MMP26: variants seen among roughly 807,000 people sequenced by gnomAD.
MMP26 encodes the protein matrix metallopeptidase 26, also known as matrix metalloproteinase-26.
In MMP26, 33 loss-of-function variants were observed where a neutral mutation model predicts 31.0. The observed-to-expected ratio is 1.06, with a 90% CI of 0.81 to 1.42. The LOEUF is 1.42. MMP26 is among the 40% of genes most tolerant of loss of function. The pLI, the probability that MMP26 is intolerant of heterozygous loss-of-function variation, is 0.00. For missense variants in MMP26, 347 were observed against 316.1 expected, an observed-to-expected ratio of 1.10 and a Z score of -0.74; for synonymous variants, 122 against 114.9, an observed-to-expected ratio of 1.06 and a Z score of -0.40.
chr11:4,731,410 T>G (rs1008831894), intron 1 of MMP26, among the ~76,000 whole-genome samples: 1 of 152,188 alleles, frequency 6.6e-6, no homozygotes, highest in African/African-American at 2.4e-5. Context: ...ATTAAATGTA[T>G]AGCTCATTTG....
intron 2 of MMP26, among the ~76,000 whole-genome samples, chr11:4,821,026 T>A (rs746579746): frequency 6.6e-6 from 1 of 152,192 alleles, no homozygotes; most frequent in Non-Finnish European, 1.5e-5. Context: ...GTTTGCTCAG[T>A]GTTTTATTCC....
chr11:4,812,940 TTTC>T (rs1245255350), intron 2 of MMP26, among the ~76,000 whole-genome samples: 3 of 152,054 alleles, frequency 2.0e-5, no homozygotes, highest in African/African-American at 7.2e-5. Flanking sequence ...ATCCTGAGAT[TTTC>T]TTTTTTTTTT....
chr11:4,926,917 T>A (rs1215619498), intron 2 of MMP26, among the ~76,000 whole-genome samples: 2 of 152,164 alleles, frequency 1.3e-5, no homozygotes, highest in Non-Finnish European at 2.9e-5. Flanking sequence ...TAAAAAGAGA[T>A]GAAATGCAAT....
At chr11:4,941,096 G>A (rs540045852) in intron 2 of MMP26, among the ~76,000 whole-genome samples, 1 of 152,238 alleles carries the variant, frequency 6.6e-6, no homozygotes, top group African/African-American at 2.4e-5. Flanking sequence ...CCATTTGCTA[G>A]CTAAGCATAG....
intron 2 of MMP26, among the ~76,000 whole-genome samples, chr11:4,925,141 T>G (rs72858179): frequency 1.3e-5 from 2 of 152,106 alleles, no homozygotes; most frequent in Non-Finnish European, 2.9e-5. Flanking sequence ...GTTCTATTCT[T>G]AGGAGCATAG....
chr11:4,929,812 C>G (rs964390421), intron 2 of MMP26, among the ~76,000 whole-genome samples: 2 of 152,016 alleles, frequency 1.3e-5, no homozygotes, highest in Admixed American at 1.3e-4. Flanking sequence ...TTTTCTCTGT[C>G]AAGTTTTATT....
chr11:4,871,613 C>A (rs1850311717), intron 2 of MMP26: 1 of 152,098 alleles, frequency 6.6e-6, no homozygotes, highest in South Asian at 2.1e-4. Flanking sequence ...TCCAGGAAGT[C>A]ACATGCTCAA....
intron 2 of MMP26, among the ~76,000 whole-genome samples, chr11:4,768,064 G>A (rs1848654472): frequency 7.0e-6 from 1 of 143,444 alleles, no homozygotes; most frequent in South Asian, 2.1e-4. Flanking sequence ...GGTCTTTAAT[G>A]GCATTTGTGA....
At chr11:4,849,398 A>G (rs1400789235) in intron 2 of MMP26, among the ~76,000 whole-genome samples, 3 of 152,190 alleles carry the variant, frequency 2.0e-5, no homozygotes, top group Admixed American at 6.5e-5. Context: ...TAGTATATGC[A>G]GCATTCATTC....
chr11:4,711,340 A>C (rs1205836423), intron 1 of MMP26: 2 of 152,224 alleles, frequency 1.3e-5, no homozygotes, highest in Non-Finnish European at 2.9e-5. Flanking sequence ...GTGTAAATGC[A>C]CATTAAAAAG....
intron 2 of MMP26, chr11:4,882,872 A>T: frequency 6.2e-7 from 1 of 1,611,984 alleles, no homozygotes; most frequent in Non-Finnish European, 8.5e-7. Context: ...TCTTAGGGGA[A>T]GATGGGATTG....
chr11:4,767,768 T>C (rs1848651194), intron 2 of MMP26, among the ~76,000 whole-genome samples: 1 of 152,152 alleles, frequency 6.6e-6, no homozygotes, highest in Non-Finnish European at 1.5e-5. Flanking sequence ...CTGCCCTCAG[T>C]ATTTGTGGGG....
At chr11:4,822,133 A>G (rs1849516343) in intron 2 of MMP26, 1 of 1,612,308 alleles carries the variant, frequency 6.2e-7, no homozygotes, top group African/African-American at 1.4e-5. Flanking sequence ...AGAGAGGCGG[A>G]AAGCCTTCAA....
At chr11:4,756,736 A>G (rs774266869) in intron 1 of MMP26, 1 of 152,070 alleles carries the variant, frequency 6.6e-6, no homozygotes, top group African/African-American at 2.4e-5. Flanking sequence ...CAAATTTTTC[A>G]GTAACATGAC....
chr11:4,832,965 G>C (rs1463084629), intron 2 of MMP26: 1 of 158,534 alleles, frequency 6.3e-6, no homozygotes, highest in Non-Finnish European at 1.4e-5. Flanking sequence ...TCTGATAGCA[G>C]ATGCATTCTT....
chr11:4,826,915 C>T (rs188334010), intron 2 of MMP26, among the ~76,000 whole-genome samples: 23 of 152,188 alleles, frequency 1.5e-4, no homozygotes, highest in African/African-American at 4.6e-4. Context: ...ACAGTTAATC[C>T]ATTGGATCCT....
chr11:4,893,515 A>G (rs1219183985), intron 2 of MMP26, among the ~76,000 whole-genome samples: 2 of 152,114 alleles, frequency 1.3e-5, no homozygotes, highest in East Asian at 3.9e-4. Context: ...TTCAAAAGTC[A>G]TGTCCTCAGA....
At chr11:4,716,621 G>C (rs1419803418) in intron 1 of MMP26, among the ~76,000 whole-genome samples, 2 of 131,184 alleles carry the variant, frequency 1.5e-5, no homozygotes, top group Non-Finnish European at 3.2e-5. Context: ...AAGCAAAGAA[G>C]ATAATTCCAT....
At chr11:4,903,926 G>A (rs1850842290) in intron 2 of MMP26, 1 of 152,068 alleles carries the variant, frequency 6.6e-6, no homozygotes. Flanking sequence ...TACATGAAGA[G>A]TGAATATATT....
Sources: gnomAD v4.1 joint callset for allele counts (sites outside exome capture counted in the v4.1 genomes callset) on GRCh38, gnomAD v4.1.1 for gene constraint, MANE v1.5 for transcripts, NCBI Gene and HGNC (gene_info 2026-07-23, HGNC 2026-07-21) for gene names.